LAMA2: variants seen among roughly 807,000 people sequenced by gnomAD.
The protein encoded by LAMA2 is laminin subunit alpha-2.
In LAMA2, 269 loss-of-function variants were observed where a neutral mutation model predicts 364.8. That is an observed-to-expected ratio of 0.74 (90% CI 0.67 to 0.82). LAMA2 has a LOEUF of 0.82. LAMA2 is among the 40% of genes least tolerant of loss of function. The pLI, the probability that LAMA2 is intolerant of heterozygous loss-of-function variation, is 0.00. For missense variants in LAMA2, 3,807 were observed against 3,873.2 expected, an observed-to-expected ratio of 0.98 and a Z score of 0.45; for synonymous variants, 1,379 against 1,370.6, an observed-to-expected ratio of 1.01 and a Z score of -0.14.
At chr6:128,903,113 C>T (rs1183895250) in intron 1 of LAMA2, among the ~76,000 whole-genome samples, 1 of 151,902 alleles carries the variant, frequency 6.6e-6, no homozygotes, top group African/African-American at 2.4e-5. Context: ...TAGTGAAATA[C>T]TGATGTTAAC....
rs1284403506 is a variant in LAMA2 at position 129,369,878 on chromosome 6, G to A, written c.4861-14G>A. ...CATTTACTAAAAATGTTTATGGGAT[G>A]GAATCTTTTTCAGCACTTGCTGTCA... is the stretch of plus-strand genomic sequence containing the variant. On this transcript the variant is annotated splice_polypyrimidine_tract_variant and intron_variant, in intron 33 of 64. Coordinates refer to ENST00000421865, the MANE Select transcript of LAMA2 (RefSeq NM_000426.4). 1.9e-6 allele frequency: 3 copies of A among 1,610,398 alleles called. No homozygotes were observed. Among genetic ancestry groups the A allele is most frequent in the East Asian group, 2.2e-5 (1 of 44,844 alleles).
At chr6:129,160,624 TTC>T (rs1282786090) in intron 8 of LAMA2, among the ~76,000 whole-genome samples, 2 of 151,994 alleles carry the variant, frequency 1.3e-5, no homozygotes, top group Non-Finnish European at 2.9e-5. Context: ...AAATTTCATT[TTC>T]TTTTTCTACC....
chr6:129,420,472 A>T (rs1298134638), intron 40 of LAMA2, among the ~76,000 whole-genome samples: 8 of 152,048 alleles, frequency 5.3e-5, no homozygotes, highest in Non-Finnish European at 1.0e-4. Flanking sequence ...GTTTTATATT[A>T]TCTTGGCACA....
In LAMA2 at chr6:129,106,875, AATAT is replaced by A. The variant is rs1554219037; in HGVS notation, c.639+8472_639+8475del. On this transcript the variant is annotated intron_variant, in intron 4 of 64. Transcript: ENST00000421865. ...CCTTACTCCTCCAAAAAAAAAAAAA[AATAT>A]ATATATATATACAATGCCCAGAAAG... 2.0e-4 allele frequency among the ~76,000 whole-genome samples: 29 copies of A among 142,654 alleles called. 1 individual carries two copies. The highest frequency in any genetic ancestry group is 3.5e-3 in the Middle Eastern group (1 of 284). 93.6% of individuals were successfully genotyped at this position (142,654 alleles called of 152,430 possible).
intron 4 of LAMA2, among the ~76,000 whole-genome samples, chr6:129,107,795 T>C (rs1775918686): frequency 6.6e-6 from 1 of 152,140 alleles, no homozygotes; most frequent in Non-Finnish European, 1.5e-5. Context: ...CTAGTAATTT[T>C]TGGAGCTGTG....
intron 8 of LAMA2, among the ~76,000 whole-genome samples, chr6:129,160,207 G>T (rs1195708712): frequency 6.6e-6 from 1 of 152,058 alleles, no homozygotes; most frequent in African/African-American, 2.4e-5. Flanking sequence ...AAATTTCCTA[G>T]TGAAACTATC....
chr6:129,456,086 G>C (rs1456074752), intron 47 of LAMA2, among the ~76,000 whole-genome samples: 1 of 152,144 alleles, frequency 6.6e-6, no homozygotes, highest in Non-Finnish European at 1.5e-5. Flanking sequence ...AACACACACA[G>C]AATCAGGACC....
chr6:129,430,671 G>T (rs1373666989), intron 41 of LAMA2, among the ~76,000 whole-genome samples: 1 of 152,046 alleles, frequency 6.6e-6, no homozygotes, highest in Non-Finnish European at 1.5e-5. Flanking sequence ...AGATAGACAA[G>T]AAATTTTTTA....
chr6:128,883,187 G>A lies in LAMA2; in HGVS notation c.-59G>A. ...CTCAGCTCACAAGCCAAGGCCAGGG[G>A]ACAGGGCGGCAGCGACTCCTCTGGC... is the stretch of plus-strand genomic sequence containing the variant. On this transcript the variant is annotated 5_prime_UTR_variant, in exon 1 of 65. Transcript: ENST00000421865. 6.7e-7 allele frequency: 1 copy of A among 1,486,224 alleles called. No individual in the cohort carries two copies. Among genetic ancestry groups the A allele is most frequent in the Non-Finnish European group, 9.1e-7 (1 of 1,095,776 alleles). The allele number at this position is 1,486,224 out of a possible 1,614,324, so 92.1% of individuals were successfully genotyped here. A position where few individuals can be genotyped will look rare whatever the true frequency, so the allele number is the denominator to read the frequency against.
chr6:129,453,425 G>A (rs1229493730), intron 46 of LAMA2, among the ~76,000 whole-genome samples: 2 of 152,102 alleles, frequency 1.3e-5, no homozygotes, highest in East Asian at 3.9e-4. Flanking sequence ...ATGCTAATGA[G>A]AATAAAGCTA....
intron 22 of LAMA2, among the ~76,000 whole-genome samples, chr6:129,302,727 T>C (rs773734403): frequency 5.3e-5 from 8 of 152,144 alleles, no homozygotes; most frequent in Non-Finnish European, 7.4e-5. Context: ...GACTATCCTT[T>C]TTCCCATTGA....
At chr6:129,269,836 A>T (rs1275464512) in intron 16 of LAMA2, among the ~76,000 whole-genome samples, 4 of 152,192 alleles carry the variant, frequency 2.6e-5, no homozygotes, top group Non-Finnish European at 5.9e-5. Flanking sequence ...CTGCATTATT[A>T]AGGCAACTAT....
At chr6:129,014,139 A>G (rs1784937165) in intron 1 of LAMA2, among the ~76,000 whole-genome samples, 2 of 152,158 alleles carry the variant, frequency 1.3e-5, no homozygotes, top group African/African-American at 2.4e-5. Flanking sequence ...TCATGGAGGG[A>G]AGGCCAGAGA....
chr6:129,059,970 T>G, intron 3 of LAMA2, 74 bp downstream of exon 3: 2 of 827,724 alleles, frequency 2.4e-6, no homozygotes, highest in Admixed American at 1.8e-5. Context: ...TAGTTAGTGG[T>G]TTGTGGGTGA....
chr6:129,105,713 A>G (rs557281276), intron 4 of LAMA2, among the ~76,000 whole-genome samples: 1 of 152,306 alleles, frequency 6.6e-6, no homozygotes, highest in East Asian at 1.9e-4. Context: ...GGCAGGTTTG[A>G]GTTGAGCAAA....
intron 12 of LAMA2, among the ~76,000 whole-genome samples, chr6:129,210,938 G>T (rs1418434283): frequency 2.0e-5 from 3 of 152,074 alleles, no homozygotes; most frequent in African/African-American, 4.8e-5. Context: ...TGGCCAGTAG[G>T]CCTGGTTTCT....
At chr6:128,940,550 A>G (rs1049166474) in intron 1 of LAMA2, among the ~76,000 whole-genome samples, 1 of 152,340 alleles carries the variant, frequency 6.6e-6, no homozygotes, top group African/African-American at 2.4e-5. Flanking sequence ...TGCATTCATG[A>G]GTGAATAAAG....
At chr6:128,982,642 A>G (rs1782959077) in intron 1 of LAMA2, among the ~76,000 whole-genome samples, 1 of 151,664 alleles carries the variant, frequency 6.6e-6, no homozygotes, top group Admixed American at 6.6e-5. Flanking sequence ...GTTTTAGGGT[A>G]CATGTGCACA....
chr6:129,207,833 A>G (rs1268744830), intron 12 of LAMA2, among the ~76,000 whole-genome samples: 1 of 152,208 alleles, frequency 6.6e-6, no homozygotes, highest in East Asian at 1.9e-4. Flanking sequence ...AAGTTATTAC[A>G]GTAAACAAGA....
Sources: allele counts gnomAD v4.1 joint callset (sites outside exome capture counted in the v4.1 genomes callset), GRCh38; gene constraint gnomAD v4.1.1; transcripts MANE v1.5; gene names NCBI Gene and HGNC (gene_info 2026-07-23, HGNC 2026-07-21).